Variants in COL4A1 observed in about 807,000 individuals in gnomAD.
COL4A1 encodes collagen type IV alpha 1 chain.
A neutral mutation model predicts 216.6 loss-of-function variants in COL4A1; 40 were observed. That is an observed-to-expected ratio of 0.18 (90% CI 0.14 to 0.24). The LOEUF (loss-of-function observed/expected upper bound fraction) is 0.24, where lower values mean the gene tolerates loss of function less well. Ranked by LOEUF, COL4A1 falls within the 10% of genes least tolerant of loss-of-function variation. The pLI, the probability that COL4A1 is intolerant of heterozygous loss-of-function variation, is 1.00. For missense variants in COL4A1, 1,628 were observed against 2,196.8 expected, an observed-to-expected ratio of 0.74 and a Z score of 5.18; for synonymous variants, 839 against 810.7, an observed-to-expected ratio of 1.03 and a Z score of -0.59.
intron 4 of COL4A1, among the ~76,000 whole-genome samples, chr13:110,213,212 C>A (rs537049607): frequency 1.3e-5 from 2 of 151,954 alleles, no homozygotes; most frequent in South Asian, 4.2e-4. Context: ...TCAGAAATCA[C>A]CACGAAAGAA....
Position 110,169,088 on chromosome 13 carries a change from C to T in COL4A1, c.3876+541G>A, listed in dbSNP as rs571764690. Among the ~76,000 whole-genome samples the T allele has an allele frequency of 6.1e-4, 93 of 151,624 alleles. 1 individual carries two copies. In the Middle Eastern group the frequency reaches 0.014, roughly 22 times the overall value. ...ACACAAGGCTGCTGGTCACTTATTG[C>T]ACCCTGAGATGTGCTCTTCTGAAGG... On this transcript the variant is annotated intron_variant, in intron 43 of 51. Transcript: ENST00000375820.
intron 1 of COL4A1, among the ~76,000 whole-genome samples, chr13:110,258,729 C>T (rs374844433): frequency 6.6e-6 from 1 of 152,130 alleles, no homozygotes; most frequent in East Asian, 1.9e-4. Context: ...GCTTTGACTT[C>T]AATTTCGGTT....
chr13:110,204,112 A>C (rs1216449285), intron 17 of COL4A1, among the ~76,000 whole-genome samples: 4 of 152,214 alleles, frequency 2.6e-5, no homozygotes, highest in Non-Finnish European at 4.4e-5. Context: ...TTAGTGGATA[A>C]ATTCTGATCA....
At chr13:110,232,274 G>A (rs997544236) in intron 2 of COL4A1, among the ~76,000 whole-genome samples, 2 of 152,238 alleles carry the variant, frequency 1.3e-5, no homozygotes, top group East Asian at 1.9e-4. Context: ...CGTCCCCAGA[G>A]CCATCTGGTT....
At chr13:110,252,048 G>C (rs907292346) in intron 1 of COL4A1, among the ~76,000 whole-genome samples, 2 of 151,858 alleles carry the variant, frequency 1.3e-5, no homozygotes, top group Non-Finnish European at 2.9e-5. Context: ...TTTTGAGGTA[G>C]AGTCTCGCTC....
intron 49 of COL4A1, among the ~76,000 whole-genome samples, chr13:110,158,850 C>T (rs1876927794): frequency 6.8e-6 from 1 of 148,046 alleles, no homozygotes; most frequent in Non-Finnish European, 1.5e-5. Context: ...TCAAGCAATT[C>T]TCCTGCCTCA....
At chr13:110,262,937 C>A (rs1882886009) in intron 1 of COL4A1, among the ~76,000 whole-genome samples, 1 of 152,196 alleles carries the variant, frequency 6.6e-6, no homozygotes, top group East Asian at 1.9e-4. Flanking sequence ...CCCCCAAGGA[C>A]CTCGTGAGCT....
intron 1 of COL4A1, among the ~76,000 whole-genome samples, chr13:110,300,570 C>T (rs1159245309): frequency 6.6e-6 from 1 of 152,204 alleles, no homozygotes; most frequent in Admixed American, 6.5e-5. Context: ...TTTAAGTTAG[C>T]TGCACTCTCT....
At chr13:110,183,157 C>T (rs768743098) in intron 27 of COL4A1, 27 bp downstream of exon 27, 1 of 1,613,156 alleles carries the variant, frequency 6.2e-7, no homozygotes, top group South Asian at 1.1e-5. Flanking sequence ...CTCGTGGTAT[C>T]CCGGTGAGCT....
intron 1 of COL4A1, among the ~76,000 whole-genome samples, chr13:110,298,429 A>G (rs1410363497): frequency 6.6e-6 from 1 of 152,194 alleles, no homozygotes; most frequent in Non-Finnish European, 1.5e-5. Flanking sequence ...AATATTATTG[A>G]TTCTGGACCG....
At chr13:110,306,527 G>T (rs1013079334) in intron 1 of COL4A1, among the ~76,000 whole-genome samples, 3 of 152,192 alleles carry the variant, frequency 2.0e-5, no homozygotes, top group Non-Finnish European at 4.4e-5. Flanking sequence ...GGAGCTCCCA[G>T]TGTGGGTCTC....
chr13:110,184,465 G>A (rs1878314733), intron 26 of COL4A1, among the ~76,000 whole-genome samples: 1 of 152,134 alleles, frequency 6.6e-6, no homozygotes, highest in South Asian at 2.1e-4. Context: ...ATCAAACCCG[G>A]TATCCCCTAC....
intron 18 of COL4A1, among the ~76,000 whole-genome samples, chr13:110,202,823 A>G (rs1461217487): frequency 1.3e-5 from 2 of 152,340 alleles, no homozygotes; most frequent in South Asian, 2.1e-4. Context: ...GTAAAATGTT[A>G]TTTGCAAAAA....
Position 110,207,280 on chromosome 13 carries a change from T to A in COL4A1, c.780+123A>T. 1 of 862,562 alleles carries A rather than the reference T, an allele frequency of 1.2e-6. No individual in the cohort carries two copies. Among genetic ancestry groups the A allele is most frequent in the Non-Finnish European group, 2.0e-6 (1 of 511,810 alleles). 53.4% of individuals were successfully genotyped at this position (862,562 alleles called of 1,614,324 possible). ...TTTTATGGACTGAACAGTCTATAAA[T>A]CTGTTTTCCAGACCAGGATTGAATG... On this transcript the variant is annotated intron_variant, in intron 13 of 51. Coordinates refer to ENST00000375820, the MANE Select transcript of COL4A1 (RefSeq NM_001845.6). This position sits in a 1 kb window ranked among gnomAD's most constrained non-coding sequence, Gnocchi z 4.4.
At chr13:110,299,136 T>TA (rs1884394743) in intron 1 of COL4A1, among the ~76,000 whole-genome samples, 1 of 152,216 alleles carries the variant, frequency 6.6e-6, no homozygotes, top group Admixed American at 6.5e-5. Flanking sequence ...AGGGCCATGT[T>TA]ACACGCAGGG....
rs1378750851 is a variant in COL4A1, at chr13:110,287,356, C to T, written c.84+19588G>A. Among the ~76,000 whole-genome samples, 3 of 152,212 alleles carry T rather than the reference C, an allele frequency of 2.0e-5. No individual in the cohort carries two copies. The East Asian group carries it at 5.8e-4, about 29-fold the overall frequency. On this transcript the variant is annotated intron_variant, in intron 1 of 51. Transcript: ENST00000375820. ...CAGATATCTAGTCTAAATGGCTGCA[C>T]ACAGCTGCAAATCTAAATACTCCCC...
chr13:110,182,574 T>C (rs1430077620), intron 28 of COL4A1, among the ~76,000 whole-genome samples: 1 of 152,170 alleles, frequency 6.6e-6, no homozygotes, highest in East Asian at 1.9e-4. Context: ...GTGACGGCTC[T>C]AACACCGGTA....
At chr13:110,186,908 T>G (rs1451044103) in intron 25 of COL4A1, among the ~76,000 whole-genome samples, 1 of 152,190 alleles carries the variant, frequency 6.6e-6, no homozygotes, top group Admixed American at 6.5e-5. Flanking sequence ...TTCCCCCAAA[T>G]GCATCAGAAG....
intron 1 of COL4A1, among the ~76,000 whole-genome samples, chr13:110,292,721 T>G (rs1884136230): frequency 6.6e-6 from 1 of 152,144 alleles, no homozygotes; most frequent in Non-Finnish European, 1.5e-5. Flanking sequence ...TGGGGGAAAC[T>G]GCCCCCATAA....
Sources: gnomAD v4.1 joint callset for allele counts (sites outside exome capture counted in the v4.1 genomes callset) on GRCh38, gnomAD v4.1.1 for gene constraint, Gnocchi (gnomAD v3.1) non-coding constraint, MANE v1.5 for transcripts, NCBI Gene and HGNC (gene_info 2026-07-23, HGNC 2026-07-21) for gene names.